Variants in OAS1 observed in about 807,000 individuals in gnomAD.
OAS1 encodes 2'-5'-oligoadenylate synthetase 1.
A neutral mutation model predicts 38.5 loss-of-function variants in OAS1; 24 were observed. The ratio of observed to expected loss-of-function variants is 0.62; its 90% CI spans 0.45 to 0.88. The LOEUF (loss-of-function observed/expected upper bound fraction) is 0.88, where lower values mean the gene tolerates loss of function less well. Among genes scored for constraint, OAS1 ranks in the 40% least tolerant of loss-of-function variants. The pLI, the probability that OAS1 is intolerant of heterozygous loss-of-function variation, is 0.00. For missense variants in OAS1, 482 were observed against 493.9 expected (o/e 0.98, Z 0.23); for synonymous variants, 169 against 193.9 (o/e 0.87, Z 1.07).
chr12:112,924,134 C>T (rs542459959), downstream of OAS1, among the ~76,000 whole-genome samples: 2 of 152,292 alleles, frequency 1.3e-5, no homozygotes, highest in East Asian at 1.9e-4. Context: ...ATTTATTGAA[C>T]GGATCATGTT....
intron 2 of OAS1, among the ~76,000 whole-genome samples, 156 bp from the exon 3 acceptor site, chr12:112,910,895 A>G (rs549946949): frequency 6.6e-6 from 1 of 152,186 alleles, no homozygotes; most frequent in African/African-American, 2.4e-5. Flanking sequence ...TGGAGAGGGC[A>G]GGAGGGAGGA....
At chr12:112,908,898 T>G in intron 2 of OAS1, 74 bp downstream of exon 2, 1 of 1,495,734 alleles carries the variant, frequency 6.7e-7, no homozygotes, top group South Asian at 1.3e-5. Flanking sequence ...GAGAGCTTTT[T>G]GCCCCAACAG....
At chr12:112,911,001 G>T (rs747906522) in intron 2 of OAS1, 50 bp from the exon 3 acceptor site, 1 of 1,549,404 alleles carries the variant, frequency 6.5e-7, no homozygotes, top group Non-Finnish European at 8.8e-7. Flanking sequence ...AGTGACTGAA[G>T]GAAATTCAGA....
chr12:112,908,851 C>T (rs756930576), intron 2 of OAS1, 27 bp downstream of exon 2: 46 of 1,545,200 alleles, frequency 3.0e-5, no homozygotes, highest in East Asian at 4.5e-5. Flanking sequence ...TCTTTTTCTC[C>T]CTCTTCCCAT....
intron 2 of OAS1, 26 bp downstream of exon 2, chr12:112,908,850 C>G: frequency 6.5e-7 from 1 of 1,546,026 alleles, no homozygotes; most frequent in Non-Finnish European, 8.7e-7. Flanking sequence ...TTCTTTTTCT[C>G]CCTCTTCCCA....
Position 112,908,709 on chromosome 12 carries a change from G to C in OAS1, c.354G>C (p.Lys118Asn), listed in dbSNP as rs200029463. ...ACQRERAFSVKFEVQAPRWGN... is the reference protein window; with the variant it reads ...ACQRERAFSVNFEVQAPRWGN... ...AAAGAGAGAGAGCATTTTCCGTGAAGTTTGAGGTCCAGGCTCCACGCTGGG... is the reference window on the plus strand; with the variant it reads ...AAAGAGAGAGAGCATTTTCCGTGAACTTTGAGGTCCAGGCTCCACGCTGGG... The change falls in exon 2 of 6, where the codon AAG becomes AAC. Residue 118 changes from lysine (K) to asparagine (N), a missense_variant. Physicochemically the swap from Lys to Asn is moderately conservative, Grantham distance 94. Transcript: ENST00000202917. 6 of 1,614,230 alleles carry C rather than the reference G, an allele frequency of 3.7e-6. No homozygotes were observed. The Admixed American group carries it at 1.0e-4, about 27-fold the overall frequency.
intron 3 of OAS1, 64 bp downstream of exon 3, chr12:112,911,299 G>A (rs2043379695): frequency 1.5e-6 from 2 of 1,338,522 alleles, no homozygotes; most frequent in Admixed American, 2.2e-5. Context: ...GGGGTGGGGG[G>A]AGGAGAGAAA....
downstream of OAS1, among the ~76,000 whole-genome samples, chr12:112,921,110 C>G (rs1440977072): frequency 6.6e-6 from 1 of 152,234 alleles, no homozygotes; most frequent in African/African-American, 2.4e-5. Context: ...AACCTGAGCA[C>G]AGATTCACCC....
At chr12:112,923,306 G>A (rs761044684), downstream of OAS1, among the ~76,000 whole-genome samples, 15 of 152,272 alleles carry the variant, frequency 9.9e-5, no homozygotes, top group East Asian at 3.9e-4. Context: ...CCTCCATACT[G>A]TTTTTCACAG....
intron 6 of OAS1, among the ~76,000 whole-genome samples, chr12:112,929,645 A>T (rs2043585484): frequency 6.6e-6 from 1 of 152,306 alleles, no homozygotes. Context: ...GGTGCTATTA[A>T]CATCTTTATT....
chr12:112,907,264 C>A, intron 1 of OAS1, 45 bp downstream of exon 1: 1 of 1,577,350 alleles, frequency 6.3e-7, no homozygotes, highest in Non-Finnish European at 8.7e-7. Context: ...GCTGAATGTG[C>A]AAGAGTTGAG....
chr12:112,916,412 A>G (rs2043455687), intron 3 of OAS1, 97 bp from the exon 4 acceptor site: 3 of 855,786 alleles, frequency 3.5e-6, no homozygotes, highest in Non-Finnish European at 5.6e-6. Flanking sequence ...GAAACTTTAT[A>G]AAAACAGGTG....
downstream of OAS1, among the ~76,000 whole-genome samples, chr12:112,922,881 A>AG (rs2043538890): frequency 6.6e-6 from 1 of 152,218 alleles, no homozygotes; most frequent in Non-Finnish European, 1.5e-5. Context: ...GTTGTGTGCC[A>AG]ACATGCCTGG....
downstream of OAS1, among the ~76,000 whole-genome samples, chr12:112,922,663 C>T (rs10850093): frequency 0.75 from 114,549 of 152,142 alleles, 44,357 homozygotes; most frequent in African/African-American, 0.94. Context: ...CTTATGGCCT[C>T]GGGGAATGTT....
chr12:112,925,326 C>A (rs1167919698), intron 6 of OAS1, among the ~76,000 whole-genome samples: 1 of 152,138 alleles, frequency 6.6e-6, no homozygotes, highest in Non-Finnish European at 1.5e-5. Flanking sequence ...CCTTGCACAC[C>A]CCTCACGCCT....
intron 5 of OAS1, 128 bp from the exon 6 acceptor site, chr12:112,919,260 TG>T (rs1211367355): frequency 3.5e-6 from 3 of 851,220 alleles, no homozygotes; most frequent in East Asian, 5.0e-5. Context: ...TCCCAGCAGC[TG>T]GGGCTTGTTA....
chr12:112,916,926 G>A, intron 4 of OAS1, 188 bp downstream of exon 4: 2 of 577,242 alleles, frequency 3.5e-6, no homozygotes, highest in Non-Finnish European at 6.2e-6. Context: ...TGTGAGGCAG[G>A]CACTATGCCA....
exon 7 of OAS1, chr12:112,932,018 T>G: frequency 1.5e-6 from 1 of 679,978 alleles, no homozygotes; most frequent in Non-Finnish European, 2.6e-6. Context: ...AAGGAAAACC[T>G]TCAATAATAA....
downstream of OAS1, among the ~76,000 whole-genome samples, chr12:112,923,599 A>G (rs1163770489): frequency 6.6e-6 from 1 of 152,170 alleles, no homozygotes; most frequent in Non-Finnish European, 1.5e-5. Context: ...AGTTCCTTAC[A>G]TATTGTGGAG....
Sources: gnomAD v4.1 joint callset for allele counts (sites outside exome capture counted in the v4.1 genomes callset) on GRCh38, gnomAD v4.1.1 for gene constraint, MANE v1.5 for transcripts, NCBI Gene and HGNC (gene_info 2026-07-23, HGNC 2026-07-21) for gene names.